C1orf52: variants seen among roughly 807,000 people sequenced by gnomAD.
C1orf52 encodes the protein UPF0690 protein C1orf52.
A neutral mutation model predicts 17.2 loss-of-function variants in C1orf52; 5 were observed. The ratio of observed to expected loss-of-function variants is 0.29; its 90% CI spans 0.15 to 0.61. The LOEUF (loss-of-function observed/expected upper bound fraction) is 0.61. Among genes scored for constraint, C1orf52 ranks in the 20% least tolerant of loss-of-function variants. C1orf52 has a pLI of 0.85. For synonymous variants in C1orf52, 110 were observed against 88.0 expected, an observed-to-expected ratio of 1.25 and a Z score of -1.40; for missense variants, 245 against 234.1, an observed-to-expected ratio of 1.05 and a Z score of -0.30.
At chr1:85,258,418 GT>G in intron 2 of C1orf52, 105 bp downstream of exon 2, 2 of 1,052,742 alleles carry the variant, frequency 1.9e-6, no homozygotes, top group Non-Finnish European at 1.4e-6. Context: ...CATCAAATTA[GT>G]TTGTCAATTC....
intron 2 of C1orf52, among the ~76,000 whole-genome samples, chr1:85,254,443 G>A (rs1034330531): frequency 2.0e-5 from 3 of 150,986 alleles, no homozygotes; most frequent in Non-Finnish European, 2.9e-5. Context: ...CCAGGATGGA[G>A]TGCAGTGGCA....
rs375368069 is a variant in C1orf52, at chr1:85,252,396, C to T, written c.*233G>A. On this transcript the variant is annotated 3_prime_UTR_variant, in exon 3 of 3. Transcript: ENST00000471115. ...CACCAATTCTGTGAGAGCAAGAATG[C>T]ATCCAAGTGTTATCAATTTCACAAT... 2.3e-5 allele frequency: 10 copies of T among 443,684 alleles called. No individual in the cohort carries two copies. Among genetic ancestry groups the T allele is most frequent in the East Asian group, 1.2e-4 (3 of 24,788 alleles). The allele number at this position is 443,684 out of a possible 1,614,324, so 27.5% of individuals were successfully genotyped here. A position where few individuals can be genotyped will look rare whatever the true frequency, so the allele number is the denominator to read the frequency against.
chr1:85,256,817 A>AGAAG (rs71075827), intron 2 of C1orf52, among the ~76,000 whole-genome samples: 1 of 150,418 alleles, frequency 6.6e-6, no homozygotes, highest in African/African-American at 2.5e-5. Context: ...AAAAAAAAAA[A>AGAAG]AGAAAAGAAA....
chr1:85,258,598 T>G lies in C1orf52; in HGVS notation c.401A>C (p.Asp134Ala). ...ATTCTGTGGAGCATCATCACCATTG[T>G]CCTCATATATGTTAGACCATTTTAT... ...MAIKWSNIYE[D>A]NGDDAPQNAK... is the part of the protein sequence containing the mutation. Residue 134 changes from aspartate (D) to alanine (A), a missense_variant, in exon 2 of 3, where the codon GAC becomes GCC. Asp to Ala is a moderately radical substitution (Grantham distance 126). Coordinates refer to ENST00000471115, the MANE Select transcript of C1orf52 (RefSeq NM_198077.4). The G allele has an allele frequency of 6.2e-7, 1 of 1,614,202 alleles. No homozygotes were observed. The highest frequency in any genetic ancestry group is 2.2e-5 in the East Asian group (1 of 44,888).
At position 85,252,409 on chromosome 1, in the gene C1orf52, T is replaced by C. The variant is rs1201560902; in HGVS notation, c.*220A>G. On this transcript the variant is annotated 3_prime_UTR_variant, in exon 3 of 3. Coordinates refer to ENST00000471115, the MANE Select transcript of C1orf52 (RefSeq NM_198077.4). ...AGAGCAAGAATGCATCCAAGTGTTA[T>C]CAATTTCACAATCACAAGTCACCAG... The C allele has an allele frequency of 1.9e-5, 9 of 483,984 alleles. No individual in the cohort carries two copies. The highest frequency in any genetic ancestry group is 1.6e-4 in the Admixed American group (4 of 25,352). The allele number at this position is 483,984 out of a possible 1,614,324, so 30.0% of individuals were successfully genotyped here.
intron 2 of C1orf52, among the ~76,000 whole-genome samples, chr1:85,256,824 G>GAAAAC (rs1659955204): frequency 7.2e-6 from 1 of 139,438 alleles, no homozygotes; most frequent in Middle Eastern, 3.3e-3. Flanking sequence ...AAAAAGAAAA[G>GAAAAC]AAAACAAAAA....
chr1:85,252,938 T>C (rs748089424), intron 2 of C1orf52, among the ~76,000 whole-genome samples: 4 of 152,188 alleles, frequency 2.6e-5, no homozygotes, highest in Non-Finnish European at 5.9e-5. Context: ...AGTAACTCTT[T>C]AGGTGCTATA....
intron 1 of C1orf52, chr1:85,259,060 A>G: frequency 8.5e-7 from 1 of 1,182,642 alleles, no homozygotes; most frequent in Admixed American, 3.5e-5. Context: ...CTCAGGGAGA[A>G]GCTGCAGCGG....
In C1orf52 at chr1:85,250,288, T is replaced by C. The variant is rs1186207682; in HGVS notation, c.*2341A>G. On this transcript the variant is annotated 3_prime_UTR_variant, in exon 3 of 3. Coordinates refer to ENST00000471115, the MANE Select transcript of C1orf52 (RefSeq NM_198077.4). ...CTCAACATGTTGCCCAGGCTTAACT[T>C]AAAGTGCAGGAAACAATCAGAAGTA... The C allele has an allele frequency of 6.6e-6, 1 of 152,062 alleles. No homozygotes were observed. Among genetic ancestry groups the C allele is most frequent in the Non-Finnish European group, 1.5e-5 (1 of 68,014 alleles). 9.4% of individuals were successfully genotyped at this position (152,062 alleles called of 1,614,324 possible). A position where few individuals can be genotyped will look rare whatever the true frequency, so the allele number is the denominator to read the frequency against.
chr1:85,252,808 TA>T, intron 2 of C1orf52, 106 bp from the exon 3 acceptor site: 4 of 689,522 alleles, frequency 5.8e-6, no homozygotes, highest in Non-Finnish European at 7.4e-6. Context: ...CCTCATCAAT[TA>T]ATGTTTCTCT....
chr1:85,258,690 A>G lies in C1orf52; in HGVS notation c.309T>C (p.Asn103=), dbSNP rs149930932. Residue 103 remains asparagine (N), a synonymous_variant, in exon 2 of 3, where the codon AAT becomes AAC. Coordinates refer to ENST00000471115, the MANE Select transcript of C1orf52 (RefSeq NM_198077.4). ...TGTAGGTCTCAGGAGGTGGTACATA[A>G]TTTGACTTCCATATTTTGAATTCCT... The part of the protein sequence containing the change: ...PPKEFKIWKS[N]YVPPPETYTT... 1.2e-3 allele frequency: 1,903 copies of G among 1,612,194 alleles called. 21 individuals are homozygous for G. In the South Asian group the frequency reaches 0.016, roughly 13 times the overall value.
chr1:85,259,574 T>C lies in C1orf52; in HGVS notation c.60A>G (p.Ser20=), dbSNP rs1199922041. ...TGTTATCCTCCTCGTCCGAGGAGCC[T>C]GAGCTGCTGCTCCCGTATGCCGCAA... ...SYFAAYGSSS[S]GSSDEEDNIE... Residue 20 remains serine, a synonymous_variant, in exon 1 of 3, where the codon TCA becomes TCG. Transcript: ENST00000471115. 5 of 1,608,866 alleles carry C rather than the reference T, an allele frequency of 3.1e-6. No individual in the cohort carries two copies. The highest frequency in any genetic ancestry group is 4.2e-6 in the Non-Finnish European group (5 of 1,178,042).
intron 2 of C1orf52, among the ~76,000 whole-genome samples, chr1:85,258,013 G>A (rs2100734646): frequency 6.6e-6 from 1 of 152,164 alleles, no homozygotes; most frequent in African/African-American, 2.4e-5. Context: ...CCAGCTACTT[G>A]GAGGCTGAGG....
intron 1 of C1orf52, 84 bp from the exon 2 acceptor site, chr1:85,258,806 G>T: frequency 7.0e-7 from 1 of 1,420,642 alleles, no homozygotes; most frequent in Non-Finnish European, 9.3e-7. Context: ...CCTGCCGTTC[G>T]CTTATCGTTC....
chr1:85,259,651 A>C lies in C1orf52; in HGVS notation c.-18T>G. On this transcript the variant is annotated 5_prime_UTR_variant, in exon 1 of 3. Coordinates refer to ENST00000471115, the MANE Select transcript of C1orf52 (RefSeq NM_198077.4). ...GCTGCCATGACGGCTGCGAGCGACA[A>C]CCCAGCACTCCGCCGGAAGCCGGAA... 6.6e-7 allele frequency: 1 copy of C among 1,514,218 alleles called. No homozygotes were observed. The highest frequency in any genetic ancestry group is 1.2e-5 in the South Asian group (1 of 81,408). 93.8% of individuals were successfully genotyped at this position (1,514,218 alleles called of 1,614,324 possible).
At chr1:85,256,947 A>C (rs1468362166) in intron 2 of C1orf52, among the ~76,000 whole-genome samples, 1 of 152,228 alleles carries the variant, frequency 6.6e-6, no homozygotes, top group Non-Finnish European at 1.5e-5. Flanking sequence ...GAAGTCAGCA[A>C]AAGTAATGGA....
In C1orf52 at chr1:85,259,342, G is replaced by C; in HGVS notation, c.276+16C>G. The C allele has an allele frequency of 6.2e-7, 1 of 1,604,204 alleles. No individual in the cohort carries two copies. The highest frequency in any genetic ancestry group is 1.1e-5 in the South Asian group (1 of 90,890). Reference sequence around the variant, plus strand: ...AGGCCGGGGCCGAGACCGAGAAACGGGGTCGGGGACCTCACCTCCTCAGGC... The same window carrying C: ...AGGCCGGGGCCGAGACCGAGAAACGCGGTCGGGGACCTCACCTCCTCAGGC... On this transcript the variant is annotated intron_variant, in intron 1 of 2. Coordinates refer to ENST00000471115, the MANE Select transcript of C1orf52 (RefSeq NM_198077.4).
rs1050497682 is a variant in C1orf52 at position 85,252,483 on chromosome 1, T to G, written c.*146A>C. ...TTTAAATAAAAAAAGAATTCTATAG[T>G]GGAAAGTTCTTGAGGCAATACTTAT... On this transcript the variant is annotated 3_prime_UTR_variant, in exon 3 of 3. Transcript: ENST00000471115. The G allele has an allele frequency of 4.8e-6, 3 of 627,776 alleles. No homozygotes were observed. Among genetic ancestry groups the G allele is most frequent in the East Asian group, 6.1e-5 (2 of 32,860 alleles). 38.9% of individuals were successfully genotyped at this position (627,776 alleles called of 1,614,324 possible).
rs1477655912 is a variant in C1orf52, at chr1:85,252,210, A to T, written c.*419T>A. 2 of 154,694 alleles carry T rather than the reference A, an allele frequency of 1.3e-5. No individual in the cohort carries two copies. Among genetic ancestry groups the T allele is most frequent in the African/African-American group, 4.8e-5 (2 of 41,524 alleles). 9.6% of individuals were successfully genotyped at this position (154,694 alleles called of 1,614,324 possible). On this transcript the variant is annotated 3_prime_UTR_variant, in exon 3 of 3. Transcript: ENST00000471115. ...CAGTAATAGTAATATTGAATAAGTA[A>T]TTTTATTTCCATGATCTATTTACAC...
Sources: gnomAD v4.1 joint callset for allele counts (sites outside exome capture counted in the v4.1 genomes callset) on GRCh38, gnomAD v4.1.1 for gene constraint, MANE v1.5 for transcripts, NCBI Gene and HGNC (gene_info 2026-07-23, HGNC 2026-07-21) for gene names.